ZZEF1: variants seen among roughly 807,000 people sequenced by gnomAD.
ZZEF1 encodes zinc finger ZZ-type and EF-hand domain-containing protein 1.
A neutral mutation model predicts 342.8 loss-of-function variants in ZZEF1; 157 were observed. That is an observed-to-expected ratio of 0.46 (90% CI 0.40 to 0.52). The LOEUF is 0.52. Among genes scored for constraint, ZZEF1 ranks in the 20% least tolerant of loss-of-function variants. The pLI is 0.00. For synonymous variants in ZZEF1, 1,505 were observed against 1,429.1 expected, an observed-to-expected ratio of 1.05 and a Z score of -1.20; for missense variants, 3,480 against 3,725.6, an observed-to-expected ratio of 0.93 and a Z score of 1.72.
intron 3 of ZZEF1, among the ~76,000 whole-genome samples, chr17:4,115,178 C>T (rs1406601236): frequency 3.3e-5 from 5 of 152,040 alleles, no homozygotes; most frequent in South Asian, 2.1e-4. Context: ...TGCACCACCA[C>T]GCCTGGCTAA....
chr17:4,008,985 C>T lies in ZZEF1; in HGVS notation c.8734-31G>A. ...GAGAGAGAGCAGGGGCTGTGAGTGA[C>T]AGCGCCAGATGCGCAGTGCAGCTCT... On this transcript the variant is annotated intron_variant, in intron 53 of 54. Transcript: ENST00000381638. The surrounding 1 kb of genome is among the most constrained non-coding windows in gnomAD (Gnocchi z 4.2). The T allele has an allele frequency of 6.5e-7, 1 of 1,537,464 alleles. No individual in the cohort carries two copies. Among genetic ancestry groups the T allele is most frequent in the East Asian group, 2.4e-5 (1 of 40,904 alleles).
intron 45 of ZZEF1, 160 bp from the exon 46 acceptor site, chr17:4,019,929 AGCACCAAAACATGGAC>A (rs1419539483): frequency 1.8e-6 from 1 of 541,274 alleles, no homozygotes; most frequent in Admixed American, 4.1e-5. Flanking sequence ...TAAAATTGTA[AGCACCAAAACATGGAC>A]TATAACACCT....
At chr17:4,104,874 AC>A in intron 7 of ZZEF1, 63 bp from the exon 8 acceptor site, 2 of 1,448,750 alleles carry the variant, frequency 1.4e-6, no homozygotes, top group Non-Finnish European at 9.5e-7. Context: ...GGTAGCTCAA[AC>A]CCCATGTAAG....
At position 4,008,668 on chromosome 17, in the gene ZZEF1, G is replaced by T; in HGVS notation, c.8805+215C>A. ...TGGTTTTAAAGACACAAATTCTTCT[G>T]ACCCCACAGTTTAGAGTGAATGACT... is the stretch of plus-strand genomic sequence containing the variant. On this transcript the variant is annotated intron_variant, in intron 54 of 54. Coordinates refer to ENST00000381638, the MANE Select transcript of ZZEF1 (RefSeq NM_015113.4). This position sits in a 1 kb window ranked among gnomAD's most constrained non-coding sequence, Gnocchi z 4.2. The T allele has an allele frequency of 8.0e-7, 1 of 1,257,344 alleles. No homozygotes were observed. 77.9% of individuals were successfully genotyped at this position (1,257,344 alleles called of 1,614,324 possible).
rs147135972 is a variant in ZZEF1, at chr17:4,074,247, G to A, written c.3588C>T (p.Pro1196=). 92 of 1,613,964 alleles carry A rather than the reference G, an allele frequency of 5.7e-5. No individual in the cohort carries two copies. The highest frequency in any genetic ancestry group is 7.1e-5 in the Non-Finnish European group (84 of 1,180,022). Residue 1196 remains proline, a synonymous_variant, in exon 24 of 55, where the codon CCC becomes CCT. Transcript: ENST00000381638. Reference sequence around the variant, plus strand: ...CCAGCCCCCAAGACACGGCAACATCGGGCAGCCCACAGGCAGTGACAGTGA... The same window carrying A: ...CCAGCCCCCAAGACACGGCAACATCAGGCAGCCCACAGGCAGTGACAGTGA... ...YKFTVTACGL[P]DVAVSWGLDL...
chr17:4,096,388 T>C (rs976903340), intron 10 of ZZEF1, among the ~76,000 whole-genome samples: 7 of 151,914 alleles, frequency 4.6e-5, no homozygotes, highest in Non-Finnish European at 7.4e-5. Flanking sequence ...TAATTGTACA[T>C]GGAAAAGTAA....
intron 3 of ZZEF1, 34 bp downstream of exon 3, chr17:4,116,938 G>C: frequency 6.6e-7 from 1 of 1,526,342 alleles, no homozygotes; most frequent in Non-Finnish European, 8.8e-7. Context: ...GAAATGATCA[G>C]AGTATTTTCA....
chr17:4,058,735 G>T lies in ZZEF1; in HGVS notation c.5003+436C>A, dbSNP rs141682878. Among the ~76,000 whole-genome samples the T allele has an allele frequency of 3.0e-3, 462 of 152,232 alleles. 1 individual carries two copies. The highest frequency in any genetic ancestry group is 0.01 in the African/African-American group (425 of 41,530). On this transcript the variant is annotated intron_variant, in intron 31 of 54. Transcript: ENST00000381638. ...ACAAAACATAAAGAAAATTAGCCGGGCATGGTGGCATGCACCTGCAGTCCC... is the reference window on the plus strand; with the variant it reads ...ACAAAACATAAAGAAAATTAGCCGGTCATGGTGGCATGCACCTGCAGTCCC...
chr17:4,142,005 A>G (rs1199639936), intron 1 of ZZEF1, among the ~76,000 whole-genome samples: 1 of 152,236 alleles, frequency 6.6e-6, no homozygotes. Context: ...TGAGTCTAAT[A>G]TATGGTTCTT....
At chr17:4,141,024 T>A (rs1305709467) in intron 1 of ZZEF1, among the ~76,000 whole-genome samples, 1 of 151,756 alleles carries the variant, frequency 6.6e-6, no homozygotes, top group Non-Finnish European at 1.5e-5. Context: ...TTGTCCCACC[T>A]CAGCCTCCCA....
chr17:4,011,117 G>A (rs531335264), intron 52 of ZZEF1, among the ~76,000 whole-genome samples: 1 of 151,232 alleles, frequency 6.6e-6, no homozygotes, highest in East Asian at 1.9e-4. Context: ...AAAAAAAAAA[G>A]ATGGCCAGGA....
At chr17:4,046,855 C>A (rs1289773376) in intron 37 of ZZEF1, among the ~76,000 whole-genome samples, 1 of 152,132 alleles carries the variant, frequency 6.6e-6, no homozygotes, top group Non-Finnish European at 1.5e-5. Context: ...TTGTTGAAAA[C>A]AAAAAGTATC....
rs749421278 is a variant in ZZEF1 at position 4,076,919 on chromosome 17, G to A, written c.3060C>T (p.Thr1020=). 1 of 1,614,112 alleles carries A rather than the reference G, an allele frequency of 6.2e-7. No individual in the cohort carries two copies. Among genetic ancestry groups the A allele is most frequent in the South Asian group, 1.1e-5 (1 of 91,070 alleles). The change falls in exon 20 of 55, where the codon ACC becomes ACT. Residue 1020 remains threonine, a synonymous_variant. Transcript: ENST00000381638. Reference sequence around the variant, plus strand: ...CTGAGTTACATAATCTTTCTACTATGGTTTTTCCACTGTACTGTGAGAAAA... The same window carrying A: ...CTGAGTTACATAATCTTTCTACTATAGTTTTTCCACTGTACTGTGAGAAAA... The part of the protein sequence containing the change: ...ESLFSQYSGK[T]IVERLCNSVF...
chr17:4,085,440 C>G (rs182369417), intron 16 of ZZEF1, among the ~76,000 whole-genome samples: 58 of 152,314 alleles, frequency 3.8e-4, no homozygotes, highest in African/African-American at 1.4e-3. Flanking sequence ...GGAGACTACA[C>G]TGTCACTTTG....
chr17:4,109,039 T>C (rs1222033094), intron 6 of ZZEF1, among the ~76,000 whole-genome samples: 1 of 152,238 alleles, frequency 6.6e-6, no homozygotes, highest in Non-Finnish European at 1.5e-5. Flanking sequence ...TCTTATATGT[T>C]ACTATTTGGT....
At chr17:4,011,065 G>A (rs2055939382) in intron 52 of ZZEF1, among the ~76,000 whole-genome samples, 1 of 151,274 alleles carries the variant, frequency 6.6e-6, no homozygotes, top group Admixed American at 6.6e-5. Flanking sequence ...ACTCTAGCCT[G>A]AGCAACAGAA....
At chr17:4,032,787 G>A in intron 41 of ZZEF1, 41 bp downstream of exon 41, 1 of 1,604,880 alleles carries the variant, frequency 6.2e-7, no homozygotes, top group Non-Finnish European at 8.5e-7. Flanking sequence ...AGTGAAGACT[G>A]GAAGGGGTGA....
In ZZEF1 at chr17:4,017,975, C is replaced by T. The variant is rs747260080; in HGVS notation, c.7506-4G>A. 1 of 1,612,732 alleles carries T rather than the reference C, an allele frequency of 6.2e-7. No homozygotes were observed. Among genetic ancestry groups the T allele is most frequent in the Non-Finnish European group, 8.5e-7 (1 of 1,180,046 alleles). ...GGTGAGCTCATCACCATCAAACCTG[C>T]AGAAGGGCAGCACAAAGTTGAGTAC... On this transcript the variant is annotated splice_polypyrimidine_tract_variant and splice_region_variant and intron_variant, in intron 46 of 54. Coordinates refer to ENST00000381638, the MANE Select transcript of ZZEF1 (RefSeq NM_015113.4). This position sits in a 1 kb window ranked among gnomAD's most constrained non-coding sequence, Gnocchi z 5.1.
rs77051124 is a variant in ZZEF1, at chr17:4,037,903, C to T, written c.6307-3611G>A. 1.7e-3 allele frequency among the ~76,000 whole-genome samples: 262 copies of T among 152,266 alleles called. 2 individuals carry two copies. Among genetic ancestry groups the T allele is most frequent in the African/African-American group, 6.1e-3 (255 of 41,548 alleles). On this transcript the variant is annotated intron_variant, in intron 39 of 54. Coordinates refer to ENST00000381638, the MANE Select transcript of ZZEF1 (RefSeq NM_015113.4). ...GGCCTATACATTAATTCTGATCCTC[C>T]TGCCATAAAAGACACTTTTGGAGCA... is the stretch of plus-strand genomic sequence containing the variant.
Sources: gnomAD v4.1 joint callset for allele counts (sites outside exome capture counted in the v4.1 genomes callset) on GRCh38, gnomAD v4.1.1 for gene constraint, Gnocchi (gnomAD v3.1) non-coding constraint, MANE v1.5 for transcripts, NCBI Gene and HGNC (gene_info 2026-07-23, HGNC 2026-07-21) for gene names.